The following RAPGEF1 variants were observed in gnomAD, a reference collection of about 807,000 sequenced individuals.
RAPGEF1 encodes the protein CRK SH3-binding GNRP.
Under a neutral mutation model 143.3 loss-of-function variants are expected in RAPGEF1, and 33 were observed. The ratio of observed to expected loss-of-function variants is 0.23; its 90% confidence interval spans 0.17 to 0.31. RAPGEF1 has a LOEUF of 0.31. RAPGEF1 is among the 10% of genes least tolerant of loss of function. The pLI, the probability that RAPGEF1 is intolerant of heterozygous loss-of-function variation, is 1.00. For missense variants in RAPGEF1, 1,199 were observed against 1,645.4 expected, an observed-to-expected ratio of 0.73 and a Z score of 4.69; for synonymous variants, 629 against 676.5, an observed-to-expected ratio of 0.93 and a Z score of 1.09.
chr9:131,643,090 G>T, intron 4 of RAPGEF1, 149 bp downstream of exon 4: 2 of 851,588 alleles, frequency 2.3e-6, no homozygotes, highest in Non-Finnish European at 3.5e-6. Context: ...CGGGATAGTT[G>T]TGGGGGGAGT....
chr9:131,672,816 G>T (rs1831628940), intron 1 of RAPGEF1, among the ~76,000 whole-genome samples: 1 of 152,128 alleles, frequency 6.6e-6, no homozygotes, highest in South Asian at 2.1e-4. Context: ...TAGGGTAAGA[G>T]GGGGTGACCA....
rs569186811 is a variant in RAPGEF1, at chr9:131,680,724, CT to C, written c.62-29776del. Among the ~76,000 whole-genome samples, 21 of 152,346 alleles carry C rather than the reference CT, an allele frequency of 1.4e-4. 1 individual carries two copies. In the East Asian group the frequency reaches 4.0e-3, roughly 29 times the overall value. On this transcript the variant is annotated intron_variant, in intron 1 of 26. Transcript: ENST00000683357. Reference sequence around the variant, plus strand: ...AGAAACAATGCTAATGACTGGCTTGCTGTTAATAAACACGTGGGTAAATCTC... The same window carrying C: ...AGAAACAATGCTAATGACTGGCTTGCGTTAATAAACACGTGGGTAAATCTC...
At chr9:131,720,591 G>A (rs988678031) in intron 1 of RAPGEF1, among the ~76,000 whole-genome samples, 21 of 152,074 alleles carry the variant, frequency 1.4e-4, no homozygotes, top group African/African-American at 4.8e-4. Context: ...AGGTCCTCAG[G>A]ACAGCGACCA....
At chr9:131,703,742 G>A (rs1834839817) in intron 1 of RAPGEF1, among the ~76,000 whole-genome samples, 1 of 152,208 alleles carries the variant, frequency 6.6e-6, no homozygotes, top group Non-Finnish European at 1.5e-5. Flanking sequence ...GTCTAAGCAG[G>A]TACTGAATGC....
intron 12 of RAPGEF1, among the ~76,000 whole-genome samples, chr9:131,614,079 CAA>C (rs1324965644): frequency 6.6e-6 from 1 of 152,088 alleles, no homozygotes; most frequent in African/African-American, 2.4e-5. Context: ...TCCTTTTCCC[CAA>C]AGAGGAGCAC....
chr9:131,649,256 T>C (rs954343883), intron 3 of RAPGEF1, among the ~76,000 whole-genome samples: 1 of 145,136 alleles, frequency 6.9e-6, no homozygotes, highest in Admixed American at 7.2e-5. Context: ...AGTTTTGTCA[T>C]GTTGGCCAGG....
At chr9:131,618,788 T>A (rs752889855) in intron 12 of RAPGEF1, among the ~76,000 whole-genome samples, 28 of 152,180 alleles carry the variant, frequency 1.8e-4, no homozygotes, top group Admixed American at 3.9e-4. Flanking sequence ...AAGGCTAAAA[T>A]GTCTCTGTCA....
rs1380376385 is a variant in RAPGEF1, at chr9:131,660,685, G to A, written c.62-9736C>T. Among the ~76,000 whole-genome samples the A allele has an allele frequency of 3.9e-5, 6 of 152,204 alleles. No homozygotes were observed. In the East Asian group the frequency reaches 9.6e-4, roughly 24 times the overall value. On this transcript the variant is annotated intron_variant, in intron 1 of 26. Coordinates refer to ENST00000683357, the MANE Select transcript of RAPGEF1 (RefSeq NM_001377935.1). ...ATGGACGGCATGGGAAGCTGGATGC[G>A]ACATAGTCAAACTGCCCCCCACTGA... is the stretch of plus-strand genomic sequence containing the variant.
At chr9:131,585,370 G>T (rs569308503) in intron 22 of RAPGEF1, among the ~76,000 whole-genome samples, 2 of 152,030 alleles carry the variant, frequency 1.3e-5, no homozygotes, top group East Asian at 3.9e-4. Context: ...GTAGGGGGGG[G>T]GCGTCTCTCT....
chr9:131,673,405 G>C (rs1212620912), intron 1 of RAPGEF1, among the ~76,000 whole-genome samples: 1 of 152,170 alleles, frequency 6.6e-6, no homozygotes, highest in African/African-American at 2.4e-5. Flanking sequence ...TAGAGGTTGG[G>C]GTCCCAACTC....
At chr9:131,660,838 G>A (rs1179740677) in intron 1 of RAPGEF1, among the ~76,000 whole-genome samples, 1 of 152,212 alleles carries the variant, frequency 6.6e-6, no homozygotes, top group African/African-American at 2.4e-5. Context: ...TTGGATTTGG[G>A]TTAAGATCTG....
chr9:131,627,788 T>A, intron 9 of RAPGEF1, 125 bp downstream of exon 9: 1 of 995,740 alleles, frequency 1.0e-6, no homozygotes, highest in Middle Eastern at 3.3e-4. Context: ...GAGGCTCAGA[T>A]TTTAAACAAG....
chr9:131,679,031 C>CG (rs1483750687), intron 1 of RAPGEF1, among the ~76,000 whole-genome samples: 1 of 151,882 alleles, frequency 6.6e-6, no homozygotes, highest in Non-Finnish European at 1.5e-5. Flanking sequence ...TTCCTCAGCC[C>CG]GGAGAAGCAA....
chr9:131,697,615 G>A (rs369850484), intron 1 of RAPGEF1, among the ~76,000 whole-genome samples: 5 of 152,154 alleles, frequency 3.3e-5, no homozygotes, highest in East Asian at 1.9e-4. Context: ...TTTCCTAGGC[G>A]GACATAAAGA....
At chr9:131,674,286 T>C (rs1564676265) in intron 1 of RAPGEF1, among the ~76,000 whole-genome samples, 1 of 152,204 alleles carries the variant, frequency 6.6e-6, no homozygotes, top group Non-Finnish European at 1.5e-5. Context: ...GTGCTTCAAA[T>C]GGGGCTTACC....
chr9:131,701,972 C>G (rs1439287653), intron 1 of RAPGEF1, among the ~76,000 whole-genome samples: 1 of 152,218 alleles, frequency 6.6e-6, no homozygotes, highest in Non-Finnish European at 1.5e-5. Context: ...GGCCTCTAAC[C>G]TCACTGATGA....
chr9:131,670,352 CA>C (rs1831171336), intron 1 of RAPGEF1, among the ~76,000 whole-genome samples: 1 of 152,188 alleles, frequency 6.6e-6, no homozygotes. Context: ...TGGCTAGGAT[CA>C]CCACCATCCT....
chr9:131,614,839 T>G (rs965342013), intron 12 of RAPGEF1, among the ~76,000 whole-genome samples: 5 of 152,120 alleles, frequency 3.3e-5, no homozygotes, highest in Non-Finnish European at 5.9e-5. Flanking sequence ...CTGAAGTTTT[T>G]TTTTTTTTTT....
At chr9:131,626,532 C>A (rs1164582769) in intron 9 of RAPGEF1, 110 bp from the exon 10 acceptor site, 4 of 1,122,318 alleles carry the variant, frequency 3.6e-6, no homozygotes, top group Non-Finnish European at 5.0e-6. Context: ...GTGACAAAGA[C>A]CTGTCTCCAG....
Sources: allele counts gnomAD v4.1 joint callset (sites outside exome capture counted in the v4.1 genomes callset), GRCh38; gene constraint gnomAD v4.1.1; transcripts MANE v1.5; gene names NCBI Gene and HGNC (gene_info 2026-07-23, HGNC 2026-07-21).